Variants in RALYL observed in about 807,000 individuals in gnomAD.
RALYL encodes the protein RALY RNA binding protein like, also known as RNA-binding Raly-like protein.
Under a neutral mutation model 35.1 loss-of-function variants are expected in RALYL, and 29 were observed. That is an observed-to-expected ratio of 0.83 (90% CI 0.61 to 1.13). The LOEUF is 1.13. Among genes scored for constraint, RALYL ranks in the 50% most tolerant of loss-of-function variants. The pLI is 0.00. For synonymous variants in RALYL, 120 were observed against 127.6 expected (o/e 0.94, Z 0.40); for missense variants, 359 against 360.4 (o/e 1.00, Z 0.03).
intron 2 of RALYL, among the ~76,000 whole-genome samples, chr8:84,591,058 A>T (rs1432759208): frequency 1.3e-5 from 2 of 152,202 alleles, no homozygotes; most frequent in African/African-American, 4.8e-5. Flanking sequence ...CCTTGGACTT[A>T]GAACATGCCG....
At chr8:84,890,492 G>A (rs553430365) in intron 8 of RALYL, among the ~76,000 whole-genome samples, 9 of 152,192 alleles carry the variant, frequency 5.9e-5, no homozygotes, top group Non-Finnish European at 1.2e-4. Flanking sequence ...TAAGGTTAAA[G>A]ATCAAGAATT....
chr8:84,332,223 A>G (rs372486682), intron 1 of RALYL, among the ~76,000 whole-genome samples: 1 of 152,122 alleles, frequency 6.6e-6, no homozygotes, highest in South Asian at 2.1e-4. Context: ...CTGAAGTGTC[A>G]TCTGACTCTT....
At chr8:84,628,058 A>G (rs1372750639) in intron 2 of RALYL, among the ~76,000 whole-genome samples, 1 of 152,058 alleles carries the variant, frequency 6.6e-6, no homozygotes, top group South Asian at 2.1e-4. Flanking sequence ...AAATACAACT[A>G]ATGCCACTCA....
At chr8:84,406,126 C>T (rs1374628947) in intron 1 of RALYL, among the ~76,000 whole-genome samples, 1 of 149,578 alleles carries the variant, frequency 6.7e-6, no homozygotes, top group Non-Finnish European at 1.5e-5. Flanking sequence ...AAATATGGAG[C>T]ATAGTATTTT....
chr8:84,303,563 G>A (rs916777924), intron 1 of RALYL, among the ~76,000 whole-genome samples: 1 of 152,158 alleles, frequency 6.6e-6, no homozygotes, highest in Non-Finnish European at 1.5e-5. Flanking sequence ...TAATCAGAGA[G>A]AGATGTAGGT....
intron 1 of RALYL, among the ~76,000 whole-genome samples, chr8:84,225,011 G>A (rs2131356758): frequency 6.6e-6 from 1 of 152,254 alleles, no homozygotes; most frequent in South Asian, 2.1e-4. Context: ...TTGGAACCAA[G>A]CCTTGGGACC....
chr8:84,857,656 A>G (rs770772507), intron 5 of RALYL, among the ~76,000 whole-genome samples: 2 of 152,234 alleles, frequency 1.3e-5, no homozygotes, highest in Non-Finnish European at 2.9e-5. Context: ...AGCCATTAAA[A>G]TAAACATTAC....
intron 2 of RALYL, among the ~76,000 whole-genome samples, chr8:84,628,711 TAAG>T (rs367797437): frequency 8.6e-5 from 13 of 151,970 alleles, no homozygotes; most frequent in African/African-American, 3.1e-4. Flanking sequence ...AAACACCAAG[TAAG>T]AAGGGTGGAT....
intron 1 of RALYL, among the ~76,000 whole-genome samples, chr8:84,266,234 T>TA (rs1833268626): frequency 6.6e-6 from 1 of 152,116 alleles, no homozygotes; most frequent in African/African-American, 2.4e-5. Flanking sequence ...TTTTTGCCTG[T>TA]CTCATTCCTC....
At chr8:84,633,606 C>A (rs1421917599) in intron 2 of RALYL, among the ~76,000 whole-genome samples, 3 of 151,640 alleles carry the variant, frequency 2.0e-5, no homozygotes, top group Admixed American at 6.6e-5. Flanking sequence ...AAAATAGTAA[C>A]AGTAACAACA....
intron 1 of RALYL, among the ~76,000 whole-genome samples, chr8:84,506,238 A>T (rs976917305): frequency 2.6e-5 from 4 of 152,088 alleles, no homozygotes; most frequent in African/African-American, 7.2e-5. Flanking sequence ...TGATACCATT[A>T]TCCCAATTAT....
intron 1 of RALYL, among the ~76,000 whole-genome samples, chr8:84,470,779 C>T (rs1474614000): frequency 6.6e-6 from 1 of 152,150 alleles, no homozygotes; most frequent in Admixed American, 6.5e-5. Context: ...ATGTCCTTTT[C>T]TTGTTTCTGC....
intron 1 of RALYL, among the ~76,000 whole-genome samples, chr8:84,469,732 C>T (rs1465058780): frequency 1.3e-5 from 2 of 152,236 alleles, no homozygotes; most frequent in Admixed American, 6.5e-5. Flanking sequence ...GCGCCCCTCC[C>T]CCAGCCTAGC....
intron 1 of RALYL, among the ~76,000 whole-genome samples, chr8:84,482,723 T>C (rs2054176330): frequency 6.6e-6 from 1 of 152,112 alleles, no homozygotes; most frequent in Admixed American, 6.6e-5. Flanking sequence ...TGTGTGTCTG[T>C]TTCACCTCCG....
In RALYL at chr8:84,554,019, A is replaced by G. The variant is rs539493485; in HGVS notation, c.256+24442A>G. On this transcript the variant is annotated intron_variant, in intron 2 of 8. Transcript: ENST00000521268. ...TGAAAACAAAGAATTAATCTGACAT[A>G]ATCACATCCCTAATAGAGTTTTATT... is the stretch of plus-strand genomic sequence containing the variant. Among the ~76,000 whole-genome samples, 7 of 152,306 alleles carry G rather than the reference A, an allele frequency of 4.6e-5. No homozygotes were observed. In the East Asian group the frequency reaches 9.6e-4, roughly 21 times the overall value.
intron 2 of RALYL, among the ~76,000 whole-genome samples, chr8:84,693,618 A>T (rs1838526243): frequency 6.6e-6 from 1 of 151,950 alleles, no homozygotes; most frequent in Non-Finnish European, 1.5e-5. Context: ...GCATTTTATG[A>T]GGCCAGCATT....
chr8:84,334,158 A>G (rs139111628), intron 1 of RALYL, among the ~76,000 whole-genome samples: 2 of 152,274 alleles, frequency 1.3e-5, no homozygotes, highest in Non-Finnish European at 2.9e-5. Context: ...TGCTGGGATT[A>G]TAGGTGTGAG....
chr8:84,368,757 C>T (rs1311426674), intron 1 of RALYL, among the ~76,000 whole-genome samples: 1 of 152,166 alleles, frequency 6.6e-6, no homozygotes, highest in Admixed American at 6.5e-5. Context: ...CACCAGGTCC[C>T]TCCCACAACA....
At chr8:84,557,048 A>AT (rs1385552432) in intron 2 of RALYL, among the ~76,000 whole-genome samples, 1 of 152,214 alleles carries the variant, frequency 6.6e-6, no homozygotes, top group Non-Finnish European at 1.5e-5. Context: ...AATTGGTAAC[A>AT]TTTTTACAAT....
Sources: gnomAD v4.1 joint callset for allele counts (sites outside exome capture counted in the v4.1 genomes callset) on GRCh38, gnomAD v4.1.1 for gene constraint, MANE v1.5 for transcripts, NCBI Gene and HGNC (gene_info 2026-07-23, HGNC 2026-07-21) for gene names.